NMD3: variants seen among roughly 807,000 people sequenced by gnomAD.
The protein encoded by NMD3 is NMD3 ribosome export adaptor, also known as 60S ribosomal export protein NMD3.
Under a neutral mutation model 73.1 loss-of-function variants are expected in NMD3, and 47 were observed. The observed-to-expected ratio is 0.64, with a 90% CI of 0.51 to 0.82. The LOEUF is 0.82. Ranked by LOEUF, NMD3 falls within the 40% of genes least tolerant of loss-of-function variation. NMD3 has a pLI of 0.00. For synonymous variants in NMD3, 210 were observed against 194.5 expected (o/e 1.08, Z -0.66); for missense variants, 554 against 612.5 (o/e 0.90, Z 1.01).
At chr3:161,238,323 A>G (rs1165849457) in intron 8 of NMD3, 132 bp downstream of exon 8, 3 of 670,702 alleles carry the variant, frequency 4.5e-6, no homozygotes, top group Non-Finnish European at 7.6e-6. Context: ...ATCAGGAAGC[A>G]TATATTGGGT....
intron 14 of NMD3, 31 bp from the exon 15 acceptor site, chr3:161,250,225 G>A (rs1412796664): frequency 8.5e-7 from 1 of 1,180,268 alleles, no homozygotes; most frequent in South Asian, 1.2e-5. Context: ...CTATATTTTT[G>A]GTGATGAAAT....
chr3:161,231,173 T>A (rs1376346992), intron 4 of NMD3, among the ~76,000 whole-genome samples: 3 of 152,358 alleles, frequency 2.0e-5, no homozygotes, highest in Middle Eastern at 6.8e-3. Context: ...TGATTATTGA[T>A]TTTGAAGCTA....
chr3:161,229,390 GGTA>G (rs1174098081), intron 4 of NMD3, among the ~76,000 whole-genome samples: 1 of 152,170 alleles, frequency 6.6e-6, no homozygotes, highest in South Asian at 2.1e-4. Flanking sequence ...CTATTTTTAA[GGTA>G]GTAACATTTA....
At chr3:161,248,070 C>T (rs1381972898) in intron 13 of NMD3, among the ~76,000 whole-genome samples, 1 of 151,866 alleles carries the variant, frequency 6.6e-6, no homozygotes, top group African/African-American at 2.4e-5. Context: ...ACAGGTGTCA[C>T]CTATCATGCC....
chr3:161,242,479 AT>A, intron 10 of NMD3, 28 bp from the exon 11 acceptor site: 1 of 1,591,660 alleles, frequency 6.3e-7, no homozygotes, highest in Non-Finnish European at 8.6e-7. Flanking sequence ...AATTTTTCTT[AT>A]GTTTTTGTGT....
At chr3:161,226,709 A>G (rs1736333167) in intron 3 of NMD3, among the ~76,000 whole-genome samples, 1 of 152,220 alleles carries the variant, frequency 6.6e-6, no homozygotes, top group Non-Finnish European at 1.5e-5. Context: ...CACATATGTA[A>G]GAGATTTAAG....
intron 9 of NMD3, among the ~76,000 whole-genome samples, chr3:161,239,956 C>A (rs1017916718): frequency 4.6e-5 from 7 of 152,176 alleles, no homozygotes; most frequent in African/African-American, 1.7e-4. Context: ...GGCATTTTGC[C>A]AACCTCTGGT....
chr3:161,247,369 G>C, intron 13 of NMD3, 39 bp downstream of exon 13: 1 of 1,255,840 alleles, frequency 8.0e-7, no homozygotes, highest in Non-Finnish European at 1.2e-6. Flanking sequence ...CTGTGTTAAA[G>C]AGGATGAATG....
chr3:161,252,633 T>C, downstream of NMD3: 1 of 480,962 alleles, frequency 2.1e-6, no homozygotes, highest in Non-Finnish European at 3.7e-6. Flanking sequence ...GTCTTGTGGG[T>C]CCCCCAGTAT....
At chr3:161,228,937 T>A (rs1313214971) in intron 4 of NMD3, among the ~76,000 whole-genome samples, 1 of 151,866 alleles carries the variant, frequency 6.6e-6, no homozygotes, top group Non-Finnish European at 1.5e-5. Flanking sequence ...AAAGTAAGGG[T>A]GTTTAGGGGA....
In NMD3 at chr3:161,249,710, A is replaced by G; in HGVS notation, c.1310+150A>G. On this transcript the variant is annotated intron_variant, in intron 14 of 15. Coordinates refer to ENST00000351193, the MANE Select transcript of NMD3 (RefSeq NM_015938.5). ...TTATCAAGGTATTAATGGAATCAGT[A>G]TAAGATGATGTAAAGACATTTAACA... The G allele has an allele frequency of 7.5e-6, 5 of 665,880 alleles. No individual in the cohort carries two copies. The Admixed American group carries it at 8.0e-5, about 11-fold the overall frequency. 41.2% of individuals were successfully genotyped at this position (665,880 alleles called of 1,614,324 possible). A position where few individuals can be genotyped will look rare whatever the true frequency, so the allele number is the denominator to read the frequency against.
chr3:161,253,058 C>T (rs1358787078), downstream of NMD3: 7 of 253,912 alleles, frequency 2.8e-5, no homozygotes, highest in Admixed American at 5.4e-5. Flanking sequence ...GATCTGGCCA[C>T]TGTACTCCAG....
Position 161,221,414 on chromosome 3 carries a change from G to A in NMD3, c.-21+5G>A, listed in dbSNP as rs569671292. On this transcript the variant is annotated splice_donor_5th_base_variant and intron_variant, in intron 1 of 15. Transcript: ENST00000351193. ...GGGCTGGTCTGGAGGCGCGAAGTAG[G>A]TTCCGGAGTCCGAGACCTGGGCTGT... The A allele has an allele frequency of 6.6e-6, 1 of 152,402 alleles. No individual in the cohort carries two copies. The highest frequency in any genetic ancestry group is 1.5e-5 in the Non-Finnish European group (1 of 68,174). 9.4% of individuals were successfully genotyped at this position (152,402 alleles called of 1,614,324 possible).
At chr3:161,241,227 G>T (rs1197498899) in intron 10 of NMD3, 64 bp downstream of exon 10, 1 of 971,382 alleles carries the variant, frequency 1.0e-6, no homozygotes, top group Non-Finnish European at 1.6e-6. Context: ...AATAATTTGT[G>T]TTGTTAATTT....
chr3:161,242,830 T>A (rs1426937723), intron 11 of NMD3, among the ~76,000 whole-genome samples, 177 bp downstream of exon 11: 1 of 152,074 alleles, frequency 6.6e-6, no homozygotes, highest in Non-Finnish European at 1.5e-5. Flanking sequence ...ATTGTGGAAA[T>A]TGTTAGACTT....
chr3:161,243,937 G>A (rs1737090766), intron 11 of NMD3, among the ~76,000 whole-genome samples: 1 of 151,874 alleles, frequency 6.6e-6, no homozygotes, highest in Non-Finnish European at 1.5e-5. Flanking sequence ...CTGAGTTCCT[G>A]TTACCTCTTT....
At chr3:161,249,685 TTATCAAGGTATTAATGGAATCAGTA>T (rs1737402785) in intron 14 of NMD3, 125 bp downstream of exon 14, 1 of 708,116 alleles carries the variant, frequency 1.4e-6, no homozygotes, top group Non-Finnish European at 2.6e-6. Flanking sequence ...TCTTGGATTC[TTATCAAGGTATTAATGGAATCAGTA>T]TAAGATGATG....
intron 14 of NMD3, chr3:161,249,797 C>CGAATT: frequency 2.0e-6 from 1 of 512,458 alleles, no homozygotes; most frequent in Non-Finnish European, 3.5e-6. Flanking sequence ...GTAAACAATT[C>CGAATT]ATTTGAAAAG....
chr3:161,248,292 C>T (rs1162438933), intron 13 of NMD3, among the ~76,000 whole-genome samples: 1 of 151,740 alleles, frequency 6.6e-6, no homozygotes, highest in Non-Finnish European at 1.5e-5. Flanking sequence ...GAGTTCGAGA[C>T]CAGCCTGGAA....
Sources: allele counts gnomAD v4.1 joint callset (sites outside exome capture counted in the v4.1 genomes callset), GRCh38; gene constraint gnomAD v4.1.1; transcripts MANE v1.5; gene names NCBI Gene and HGNC (gene_info 2026-07-23, HGNC 2026-07-21).